The following GLIS1 variants were observed in gnomAD, a reference collection of about 807,000 sequenced individuals.
GLIS1 encodes GLIS family zinc finger 1.
A neutral mutation model predicts 63.8 loss-of-function variants in GLIS1; 24 were observed. The observed-to-expected ratio is 0.38, with a 90% CI of 0.27 to 0.53. GLIS1 has a LOEUF of 0.53. GLIS1 is among the 20% of genes least tolerant of loss of function. The pLI is 0.85. For synonymous variants in GLIS1, 450 were observed against 482.5 expected (o/e 0.93, Z 0.88); for missense variants, 1,036 against 1,074.1 (o/e 0.96, Z 0.50).
chr1:53,590,559 C>T (rs549555539), intron 4 of GLIS1, among the ~76,000 whole-genome samples: 2 of 152,256 alleles, frequency 1.3e-5, no homozygotes, highest in African/African-American at 4.8e-5. Context: ...AGAATTCCGG[C>T]CGTCTGGGAG....
intron 2 of GLIS1, among the ~76,000 whole-genome samples, chr1:53,628,568 A>C (rs953458153): frequency 3.3e-5 from 5 of 152,110 alleles, no homozygotes; most frequent in Non-Finnish European, 5.9e-5. Flanking sequence ...CCTAGGCGGG[A>C]GAGACAATTA....
At chr1:53,587,769 T>A (rs978378173) in intron 4 of GLIS1, among the ~76,000 whole-genome samples, 3 of 152,200 alleles carry the variant, frequency 2.0e-5, no homozygotes, top group African/African-American at 7.2e-5. Flanking sequence ...AGGATTTGAT[T>A]CCCTTCTGTG....
At chr1:53,731,580 C>T (rs1319469984) in intron 2 of GLIS1, among the ~76,000 whole-genome samples, 2 of 152,218 alleles carry the variant, frequency 1.3e-5, no homozygotes, top group Non-Finnish European at 2.9e-5. Flanking sequence ...ATTCCAGGCT[C>T]TGTTGCTTAC....
intron 2 of GLIS1, among the ~76,000 whole-genome samples, chr1:53,710,624 A>C (rs1646637085): frequency 1.3e-5 from 2 of 152,212 alleles, no homozygotes; most frequent in Admixed American, 1.3e-4. Context: ...AACAAGAAGC[A>C]CCTAGAATGG....
At chr1:53,720,335 G>A (rs1019921737) in intron 2 of GLIS1, among the ~76,000 whole-genome samples, 4 of 152,194 alleles carry the variant, frequency 2.6e-5, no homozygotes, top group Admixed American at 6.5e-5. Flanking sequence ...TAAGAAGAAT[G>A]AAATCCTGTC....
chr1:53,621,386 G>T (rs1374219731), intron 2 of GLIS1, among the ~76,000 whole-genome samples: 1 of 152,232 alleles, frequency 6.6e-6, no homozygotes, highest in Non-Finnish European at 1.5e-5. Flanking sequence ...AGCCTGCCTG[G>T]CGCCTATGTG....
chr1:53,657,278 C>T (rs894577990), intron 2 of GLIS1, among the ~76,000 whole-genome samples: 2 of 152,190 alleles, frequency 1.3e-5, no homozygotes, highest in African/African-American at 4.8e-5. Context: ...ATCCATGCCA[C>T]AGAGCTTTCT....
intron 4 of GLIS1, among the ~76,000 whole-genome samples, chr1:53,553,783 G>C (rs1021321491): frequency 6.6e-6 from 1 of 152,114 alleles, no homozygotes; most frequent in Non-Finnish European, 1.5e-5. Flanking sequence ...TTTGGATAAA[G>C]GGAATAGTCC....
At chr1:53,523,026 C>T (rs1351464262) in intron 6 of GLIS1, among the ~76,000 whole-genome samples, 2 of 126,516 alleles carry the variant, frequency 1.6e-5, no homozygotes, top group Non-Finnish European at 3.1e-5. Flanking sequence ...CTTGCTCTGT[C>T]ACTCAGGCTG....
At chr1:53,690,309 G>A (rs776673124) in intron 2 of GLIS1, among the ~76,000 whole-genome samples, 21 of 152,348 alleles carry the variant, frequency 1.4e-4, no homozygotes, top group African/African-American at 4.1e-4. Context: ...CCCCATCAGC[G>A]CATGATGGGG....
At chr1:53,586,225 T>C (rs2948045) in intron 4 of GLIS1, among the ~76,000 whole-genome samples, 52,863 of 152,134 alleles carry the variant, frequency 0.35, 9,523 homozygotes, top group East Asian at 0.58. Flanking sequence ...CATCCCAATG[T>C]AAGCCAAGAT....
intron 4 of GLIS1, among the ~76,000 whole-genome samples, chr1:53,578,218 G>A (rs1283403962): frequency 6.6e-6 from 1 of 152,100 alleles, no homozygotes; most frequent in Non-Finnish European, 1.5e-5. Context: ...CTGGGTGATC[G>A]GGGTCAAGTT....
At chr1:53,699,055 T>TTTTTTA (rs1163768791) in intron 2 of GLIS1, among the ~76,000 whole-genome samples, 2 of 149,016 alleles carry the variant, frequency 1.3e-5, no homozygotes, top group Non-Finnish European at 3.0e-5. Context: ...TGTTTGTTTG[T>TTTTTTA]TTTTTATTTT....
chr1:53,723,038 C>T (rs1646771884), intron 2 of GLIS1, among the ~76,000 whole-genome samples: 1 of 151,572 alleles, frequency 6.6e-6, no homozygotes, highest in Non-Finnish European at 1.5e-5. Flanking sequence ...GAGGCTGAGG[C>T]GGGAGAATAA....
rs1181041531 is a variant in GLIS1 at position 53,639,538 on chromosome 1, C to T, written c.260-39260G>A. Among the ~76,000 whole-genome samples the T allele has an allele frequency of 6.6e-6, 1 of 152,114 alleles. No individual in the cohort carries two copies. Among genetic ancestry groups the T allele is most frequent in the African/African-American group, 2.4e-5 (1 of 41,396 alleles). On this transcript the variant is annotated intron_variant, in intron 2 of 10. Transcript: ENST00000628545. This position sits in a 1 kb window ranked among gnomAD's most constrained non-coding sequence, Gnocchi z 4.6. ...CCCTGGCCCTTTTCTGTGGTTGCAGCGAAACCAGACTCTCAGGTGATTCAC... is the reference window on the plus strand; with the variant it reads ...CCCTGGCCCTTTTCTGTGGTTGCAGTGAAACCAGACTCTCAGGTGATTCAC...
intron 2 of GLIS1, among the ~76,000 whole-genome samples, chr1:53,674,403 A>G (rs899716178): frequency 3.6e-4 from 55 of 152,224 alleles, no homozygotes; most frequent in African/African-American, 1.3e-3. Flanking sequence ...CAAGCCTGTC[A>G]GGTGATTTTT....
intron 2 of GLIS1, among the ~76,000 whole-genome samples, chr1:53,709,571 G>A (rs1488353261): frequency 2.6e-5 from 4 of 151,730 alleles, no homozygotes; most frequent in African/African-American, 9.7e-5. Flanking sequence ...TGGGTAAATG[G>A]GCAAATGGAC....
intron 4 of GLIS1, among the ~76,000 whole-genome samples, chr1:53,555,193 C>A (rs1240856619): frequency 6.6e-6 from 1 of 152,226 alleles, no homozygotes; most frequent in Non-Finnish European, 1.5e-5. Flanking sequence ...TTCTCTTATA[C>A]CTTGTTTGTG....
chr1:53,648,755 A>C (rs967297557), intron 2 of GLIS1, among the ~76,000 whole-genome samples: 1 of 152,214 alleles, frequency 6.6e-6, no homozygotes, highest in Admixed American at 6.5e-5. Context: ...GTAAGATCCC[A>C]GCCATATCGA....
Sources: gnomAD v4.1 joint callset for allele counts (sites outside exome capture counted in the v4.1 genomes callset) on GRCh38, gnomAD v4.1.1 for gene constraint, Gnocchi (gnomAD v3.1) non-coding constraint, MANE v1.5 for transcripts, NCBI Gene and HGNC (gene_info 2026-07-23, HGNC 2026-07-21) for gene names.